The following S100Z variants were observed in gnomAD, a reference collection of about 807,000 sequenced individuals.
The protein encoded by S100Z is S100 calcium binding protein Z, also known as protein S100-Z.
S100Z carries 11 observed loss-of-function variants against 8.5 expected under a neutral mutation model. The ratio of observed to expected loss-of-function variants is 1.30; its 90% CI spans 0.82 to 2.15. S100Z has a LOEUF of 2.15. Ranked by LOEUF, S100Z falls within the 30% of genes most tolerant of loss-of-function variation. The pLI is 0.00. For missense variants in S100Z, 126 were observed against 117.9 expected (o/e 1.07, Z -0.32); for synonymous variants, 34 against 43.8 (o/e 0.78, Z 0.89).
At chr5:76,857,624 G>C (rs755672596) in intron 1 of S100Z, among the ~76,000 whole-genome samples, 1 of 151,354 alleles carries the variant, frequency 6.6e-6, no homozygotes, top group African/African-American at 2.4e-5. Flanking sequence ...TCAGCCACCT[G>C]AGTAGTTGGA....
chr5:76,903,901 G>T (rs1481341352), intron 4 of S100Z, among the ~76,000 whole-genome samples: 3 of 150,920 alleles, frequency 2.0e-5, no homozygotes, highest in East Asian at 2.0e-4. Flanking sequence ...TTTTTTTTGT[G>T]TGTGTGTATT....
At chr5:76,871,764 T>A (rs1440931810) in intron 2 of S100Z, among the ~76,000 whole-genome samples, 1 of 152,176 alleles carries the variant, frequency 6.6e-6, no homozygotes, top group African/African-American at 2.4e-5. Context: ...TTACCTCAGA[T>A]GATCCACCCA....
intron 4 of S100Z, among the ~76,000 whole-genome samples, chr5:76,889,963 T>C (rs1297015945): frequency 6.6e-6 from 1 of 152,236 alleles, no homozygotes; most frequent in Non-Finnish European, 1.5e-5. Context: ...GGGTTTGAGA[T>C]GTGACTGACA....
At chr5:76,872,756 T>G (rs1743054712) in intron 2 of S100Z, among the ~76,000 whole-genome samples, 2 of 151,810 alleles carry the variant, frequency 1.3e-5, no homozygotes, top group African/African-American at 4.8e-5. Flanking sequence ...AGCTCAGGAG[T>G]TCAAGACCAG....
At chr5:76,850,756 G>A (rs1750705384) in intron 1 of S100Z, among the ~76,000 whole-genome samples, 1 of 152,196 alleles carries the variant, frequency 6.6e-6, no homozygotes, top group Non-Finnish European at 1.5e-5. Flanking sequence ...GGGATGGAGG[G>A]GCTGGGGAGA....
chr5:76,937,046 T>C, the S100Z span, among the ~76,000 whole-genome samples: 6 of 152,198 alleles, frequency 3.9e-5, no homozygotes, highest in Non-Finnish European at 8.8e-5. Context: ...AGTGATCTTA[T>C]GCTCAGCAAA....
chr5:76,888,505 A>G (rs1390039348), intron 4 of S100Z, among the ~76,000 whole-genome samples: 1 of 149,118 alleles, frequency 6.7e-6, no homozygotes, highest in Non-Finnish European at 1.5e-5. Context: ...CCTCCCAAGT[A>G]TCTGGGACTA....
chr5:76,896,646 A>G (rs575853204), intron 4 of S100Z, among the ~76,000 whole-genome samples: 1 of 152,320 alleles, frequency 6.6e-6, no homozygotes, highest in South Asian at 2.1e-4. Flanking sequence ...ATTAGTTTAC[A>G]TCCCCATCAA....
At chr5:76,928,799 G>A in the S100Z span, among the ~76,000 whole-genome samples, 1 of 152,164 alleles carries the variant, frequency 6.6e-6, no homozygotes, top group South Asian at 2.1e-4. Flanking sequence ...GGAGTGCAGC[G>A]CACAATCACG....
chr5:76,919,663 G>A (rs1218139217), intron 4 of S100Z, among the ~76,000 whole-genome samples: 1 of 149,772 alleles, frequency 6.7e-6, no homozygotes, highest in Admixed American at 6.7e-5. Flanking sequence ...CCAGGCTGTA[G>A]GGTAGTGATC....
intron 4 of S100Z, among the ~76,000 whole-genome samples, chr5:76,892,501 C>A (rs1743898181): frequency 6.6e-6 from 1 of 152,150 alleles, no homozygotes; most frequent in South Asian, 2.1e-4. Context: ...TGAGTCTCAA[C>A]TACTTTAGAG....
Position 76,875,391 on chromosome 5 carries a change from C to A in S100Z, c.32C>A (p.Thr11Asn). 1 of 1,612,824 alleles carries A rather than the reference C, an allele frequency of 6.2e-7. No individual in the cohort carries two copies. The highest frequency in any genetic ancestry group is 8.5e-7 in the Non-Finnish European group (1 of 1,179,448). The change falls in exon 3 of 5, where the codon ACC becomes AAC. Residue 11 changes from threonine to asparagine, a missense_variant. Coordinates refer to ENST00000317593, the MANE Select transcript of S100Z (RefSeq NM_130772.4). ...ACCCAGCTCGAGATGGCCATGGACACCATGATTAGAATCTTCCACCGCTAT... is the reference window on the plus strand; with the variant it reads ...ACCCAGCTCGAGATGGCCATGGACAACATGATTAGAATCTTCCACCGCTAT... MPTQLEMAMDTMIRIFHRYSG... is the reference protein window; with the variant it reads MPTQLEMAMDNMIRIFHRYSG...
At chr5:76,860,029 T>A (rs1460919011) in intron 1 of S100Z, among the ~76,000 whole-genome samples, 1 of 152,084 alleles carries the variant, frequency 6.6e-6, no homozygotes, top group Non-Finnish European at 1.5e-5. Flanking sequence ...TTGGCAGAAA[T>A]CAGTCTTGAA....
At chr5:76,897,397 C>T (rs554799955) in intron 4 of S100Z, among the ~76,000 whole-genome samples, 17 of 151,486 alleles carry the variant, frequency 1.1e-4, no homozygotes, top group East Asian at 3.9e-4. Flanking sequence ...GAGCCAAGAT[C>T]GTGCCACTGC....
chr5:76,883,822 A>G (rs1743498462), intron 4 of S100Z, among the ~76,000 whole-genome samples: 1 of 152,176 alleles, frequency 6.6e-6, no homozygotes, highest in South Asian at 2.1e-4. Flanking sequence ...TGCTTGGCCC[A>G]GTGGCCAGAT....
the S100Z span, among the ~76,000 whole-genome samples, chr5:76,936,473 T>G: frequency 6.6e-6 from 1 of 152,090 alleles, no homozygotes; most frequent in African/African-American, 2.4e-5. Context: ...TATTTATATT[T>G]TAAACAATTT....
chr5:76,866,573 A>AT lies in S100Z; in HGVS notation c.-175-3585dup, dbSNP rs1004688172. On this transcript the variant is annotated intron_variant, in intron 1 of 4. Transcript: ENST00000317593. The stretch of plus-strand genomic sequence containing the variant: ...GGTAAGTGTCCTATAAAGGTGTACT[A>AT]TTTTTTTTATCTTTTATACATATTT... Among the ~76,000 whole-genome samples the AT allele has an allele frequency of 1.1e-4, 16 of 151,924 alleles. No individual in the cohort carries two copies. In the East Asian group the frequency reaches 1.4e-3, roughly 13 times the overall value.
At chr5:76,886,704 TG>T (rs896332443) in intron 4 of S100Z, among the ~76,000 whole-genome samples, 3 of 152,066 alleles carry the variant, frequency 2.0e-5, no homozygotes, top group African/African-American at 7.2e-5. Context: ...CAAAGGGTGG[TG>T]GATTATCATT....
chr5:76,873,332 C>T (rs1364037180), intron 2 of S100Z, among the ~76,000 whole-genome samples: 43 of 73,262 alleles, frequency 5.9e-4, no homozygotes, highest in African/African-American at 3.5e-3. Context: ...TTTTTTGAGA[C>T]GGAGTCTCAC....
Sources: allele counts gnomAD v4.1 joint callset (sites outside exome capture counted in the v4.1 genomes callset), GRCh38; gene constraint gnomAD v4.1.1; transcripts MANE v1.5; gene names NCBI Gene and HGNC (gene_info 2026-07-23, HGNC 2026-07-21).